The following SEC63 variants were observed in gnomAD, a reference collection of about 807,000 sequenced individuals.
SEC63 encodes translocation protein SEC63 homolog.
In SEC63, 56 loss-of-function variants were observed where a neutral mutation model predicts 116.2. The ratio of observed to expected loss-of-function variants is 0.48; its 90% confidence interval spans 0.39 to 0.60. The LOEUF (loss-of-function observed/expected upper bound fraction) is 0.60, where lower values mean the gene tolerates loss of function less well. SEC63 is among the 20% of genes least tolerant of loss of function. The probability of loss-of-function intolerance (pLI) is 0.00; values close to 1 mark genes in which losing one functional copy is unlikely to be tolerated. For synonymous variants in SEC63, 273 were observed against 294.6 expected, an observed-to-expected ratio of 0.93 and a Z score of 0.75; for missense variants, 668 against 900.0, an observed-to-expected ratio of 0.74 and a Z score of 3.30.
At chr6:107,953,311 C>T (rs1770617982) in intron 1 of SEC63, among the ~76,000 whole-genome samples, 2 of 152,240 alleles carry the variant, frequency 1.3e-5, no homozygotes, top group Admixed American at 6.5e-5. Flanking sequence ...AACTGTACTA[C>T]GGGGGTCCTC....
intron 3 of SEC63, among the ~76,000 whole-genome samples, chr6:107,923,197 G>A (rs1237414597): frequency 2.6e-5 from 4 of 152,054 alleles, no homozygotes; most frequent in Admixed American, 6.5e-5. Context: ...AGGCTGGAGT[G>A]CAGTGGTGCA....
At chr6:107,955,586 G>A (rs975571182) in intron 1 of SEC63, among the ~76,000 whole-genome samples, 2 of 152,144 alleles carry the variant, frequency 1.3e-5, no homozygotes, top group East Asian at 3.9e-4. Context: ...TGCTGAAGGG[G>A]GTCAAGTATG....
intron 13 of SEC63, among the ~76,000 whole-genome samples, chr6:107,899,076 T>C (rs1786934989): frequency 6.6e-6 from 1 of 152,210 alleles, no homozygotes; most frequent in Admixed American, 6.5e-5. Context: ...GCAGGTCATG[T>C]GAAATAACTA....
At chr6:107,953,416 G>A (rs1056510913) in intron 1 of SEC63, among the ~76,000 whole-genome samples, 4 of 151,646 alleles carry the variant, frequency 2.6e-5, no homozygotes, top group Non-Finnish European at 5.9e-5. Context: ...CCCCCCGCCC[G>A]GCCAGCCGCC....
intron 20 of SEC63, 67 bp from the exon 21 acceptor site, chr6:107,871,914 A>G: frequency 6.4e-7 from 1 of 1,551,060 alleles, no homozygotes; most frequent in South Asian, 1.1e-5. Context: ...ATCTTGGTAA[A>G]CAAAAGGTTT....
At chr6:107,921,948 G>C (rs377068745) in intron 3 of SEC63, 39 bp from the exon 4 acceptor site, 3 of 1,112,588 alleles carry the variant, frequency 2.7e-6, no homozygotes, top group Non-Finnish European at 4.1e-6. Flanking sequence ...CTTTCTGTTA[G>C]CAAAAATAAG....
intron 3 of SEC63, among the ~76,000 whole-genome samples, chr6:107,924,437 G>T (rs1181797112): frequency 6.6e-6 from 1 of 151,848 alleles, no homozygotes; most frequent in Middle Eastern, 3.4e-3. Flanking sequence ...AATTAGACAG[G>T]CGTGATGGCG....
chr6:107,875,632 G>T (rs899139859), intron 19 of SEC63, among the ~76,000 whole-genome samples: 2 of 152,030 alleles, frequency 1.3e-5, no homozygotes, highest in African/African-American at 4.8e-5. Context: ...CCCGGGAGGC[G>T]GAGGTTGCAG....
Position 107,893,848 on chromosome 6 carries a change from G to T in SEC63, c.1490C>A (p.Ala497Glu). The change falls in exon 15 of 21, where the codon GCA (alanine) becomes GAA (glutamate). Residue 497 changes from alanine to glutamate, a missense_variant. Transcript: ENST00000369002. ...AACCCAAGTTTTTACCCCATCTTCTGCTGGCTGTTCCTCTGCAGCACAGAT... is the reference window on the plus strand; with the variant it reads ...AACCCAAGTTTTTACCCCATCTTCTTCTGGCTGTTCCTCTGCAGCACAGAT... The part of the protein sequence containing the change: ...QSICAAEEQP[A>E]EDGQGETNKN... The T allele has an allele frequency of 6.2e-7, 1 of 1,614,078 alleles. No homozygotes were observed. Among genetic ancestry groups the T allele is most frequent in the Non-Finnish European group, 8.5e-7 (1 of 1,179,974 alleles).
chr6:107,952,209 T>C (rs1770595091), intron 1 of SEC63, among the ~76,000 whole-genome samples: 1 of 152,138 alleles, frequency 6.6e-6, no homozygotes, highest in Non-Finnish European at 1.5e-5. Context: ...TAAGCAGAAA[T>C]CAAGGCAAAA....
At position 107,869,403 on chromosome 6, in the gene SEC63, T is replaced by C. The variant is rs1288272637; in HGVS notation, c.*2301A>G. The C allele has an allele frequency of 6.6e-6, 1 of 152,140 alleles. No homozygotes were observed. Among genetic ancestry groups the C allele is most frequent in the Non-Finnish European group, 1.5e-5 (1 of 68,028 alleles). 9.4% of individuals were successfully genotyped at this position (152,140 alleles called of 1,614,324 possible). On this transcript the variant is annotated 3_prime_UTR_variant, in exon 21 of 21. Transcript: ENST00000369002. Reference sequence around the variant, plus strand: ...TTACCAATTAGAGAAAAATATCACATAATTTAACTGTTTCAATTTCACTTC... The same window carrying C: ...TTACCAATTAGAGAAAAATATCACACAATTTAACTGTTTCAATTTCACTTC...
intron 2 of SEC63, among the ~76,000 whole-genome samples, chr6:107,926,462 C>T (rs1562332309): frequency 6.6e-6 from 1 of 151,994 alleles, no homozygotes; most frequent in Non-Finnish European, 1.5e-5. Flanking sequence ...GCAGCCTCGA[C>T]CTCCCAGGCT....
chr6:107,928,686 A>G (rs554401933), intron 2 of SEC63, among the ~76,000 whole-genome samples: 2 of 152,270 alleles, frequency 1.3e-5, no homozygotes, highest in Non-Finnish European at 2.9e-5. Flanking sequence ...GGTAATTCAC[A>G]AGACATAGTA....
At chr6:107,947,514 G>A (rs1202311924) in intron 1 of SEC63, among the ~76,000 whole-genome samples, 3 of 151,564 alleles carry the variant, frequency 2.0e-5, no homozygotes, top group Non-Finnish European at 2.9e-5. Context: ...TGAGGTTGCA[G>A]TGGAGCAGTG....
chr6:107,943,907 G>T (rs919422889), intron 1 of SEC63, among the ~76,000 whole-genome samples: 2 of 152,204 alleles, frequency 1.3e-5, no homozygotes, highest in Admixed American at 1.3e-4. Context: ...GAGCAGAACT[G>T]TATGAGCTGA....
Position 107,871,795 on chromosome 6 carries a change from G to A in SEC63, c.2192C>T (p.Thr731Ile). The change falls in exon 21 of 21, where the codon ACA becomes ATA. Residue 731 changes from threonine (T) to isoleucine (I), a missense_variant. This residue lies in a region of SEC63 where 85 missense variants were observed against 116.3 expected (regional missense o/e 0.73). Transcript: ENST00000369002. The part of the protein sequence containing the change: ...PVPENHPQWD[T>I]AIEGDEDQED... ...CTGGTCTTCATCCCCCTCTATTGCT[G>A]TATCCCACTGTGGGTGATTTTCTGG... 2 of 1,613,564 alleles carry A rather than the reference G, an allele frequency of 1.2e-6. No homozygotes were observed. The highest frequency in any genetic ancestry group is 1.7e-6 in the Non-Finnish European group (2 of 1,179,648).
At chr6:107,891,715 G>A (rs552399672) in intron 16 of SEC63, among the ~76,000 whole-genome samples, 28 of 152,274 alleles carry the variant, frequency 1.8e-4, no homozygotes, top group African/African-American at 6.3e-4. Flanking sequence ...TTTGGTCTTT[G>A]AAGTCAGTGA....
At chr6:107,874,111 A>G (rs1296724663) in intron 19 of SEC63, among the ~76,000 whole-genome samples, 3 of 152,218 alleles carry the variant, frequency 2.0e-5, no homozygotes, top group Non-Finnish European at 4.4e-5. Context: ...ACCTTAATTA[A>G]TATCACCAAC....
chr6:107,947,651 A>T (rs1209105711), intron 1 of SEC63, among the ~76,000 whole-genome samples: 1 of 152,224 alleles, frequency 6.6e-6, no homozygotes, highest in Non-Finnish European at 1.5e-5. Flanking sequence ...AAAAGCTTTC[A>T]AGAGGACAAG....
Sources: allele counts gnomAD v4.1 joint callset (sites outside exome capture counted in the v4.1 genomes callset), GRCh38; gene constraint gnomAD v4.1.1; regional missense constraint gnomAD v4.1.1; transcripts MANE v1.5; gene names NCBI Gene and HGNC (gene_info 2026-07-23, HGNC 2026-07-21).